Variants in BICC1 observed in about 807,000 individuals in gnomAD.
BICC1 encodes protein bicaudal C homolog 1.
In BICC1, 43 loss-of-function variants were observed where a neutral mutation model predicts 111.0. The ratio of observed to expected loss-of-function variants is 0.39; its 90% CI spans 0.30 to 0.50. The LOEUF (loss-of-function observed/expected upper bound fraction) is 0.50. Ranked by LOEUF, BICC1 falls within the 20% of genes least tolerant of loss-of-function variation. The pLI is 0.88. For missense variants in BICC1, 1,091 were observed against 1,203.2 expected (o/e 0.91, Z 1.38); for synonymous variants, 467 against 434.4 (o/e 1.07, Z -0.93).
At chr10:58,828,183 G>T (rs1000537049) in intron 20 of BICC1, among the ~76,000 whole-genome samples, 4 of 152,108 alleles carry the variant, frequency 2.6e-5, no homozygotes, top group Non-Finnish European at 2.9e-5. Context: ...GGAGGGGTTT[G>T]GTACCTCAAC....
At chr10:58,546,440 C>T (rs1251952799) in intron 1 of BICC1, among the ~76,000 whole-genome samples, 1 of 152,164 alleles carries the variant, frequency 6.6e-6, no homozygotes, top group Non-Finnish European at 1.5e-5. Flanking sequence ...AGCAGTCTCC[C>T]AATTTTTATT....
chr10:58,618,017 T>C (rs1269228539), intron 1 of BICC1, among the ~76,000 whole-genome samples: 1 of 152,252 alleles, frequency 6.6e-6, no homozygotes, highest in Non-Finnish European at 1.5e-5. Flanking sequence ...GTTTCACCCT[T>C]TGGGCATGTG....
At chr10:58,523,101 T>G (rs910575283) in intron 1 of BICC1, among the ~76,000 whole-genome samples, 1 of 152,188 alleles carries the variant, frequency 6.6e-6, no homozygotes, top group African/African-American at 2.4e-5. Flanking sequence ...CCAGATAGAT[T>G]CACAGCTGAA....
intron 1 of BICC1, among the ~76,000 whole-genome samples, chr10:58,555,158 G>A (rs535897018): frequency 6.6e-6 from 1 of 151,908 alleles, no homozygotes; most frequent in South Asian, 2.1e-4. Flanking sequence ...ATACATTTTC[G>A]AGATTTTTTC....
chr10:58,753,409 T>A (rs1263928283), intron 3 of BICC1, among the ~76,000 whole-genome samples: 2 of 152,140 alleles, frequency 1.3e-5, no homozygotes, highest in African/African-American at 2.4e-5. Flanking sequence ...GCTCAAGTGA[T>A]CCTCCTGCCT....
Position 58,513,044 on chromosome 10 carries a change from G to C in BICC1, c.-100G>C. The C allele has an allele frequency of 1.1e-6, 1 of 945,700 alleles. No homozygotes were observed. The highest frequency in any genetic ancestry group is 1.7e-5 in the African/African-American group (1 of 57,396). The allele number at this position is 945,700 out of a possible 1,614,324, so 58.6% of individuals were successfully genotyped here. ...GGCGGCTGCAGGGGGACGAGCTAGC[G>C]CCGCGGCGCTGGGAGCCAGTTGAGC... On this transcript the variant is annotated 5_prime_UTR_variant, in exon 1 of 21. Coordinates refer to ENST00000373886, the MANE Select transcript of BICC1 (RefSeq NM_001080512.3).
At chr10:58,650,248 C>T (rs919243256) in intron 2 of BICC1, 2 of 152,138 alleles carry the variant, frequency 1.3e-5, no homozygotes, top group African/African-American at 2.4e-5. Context: ...CCCTTGCAAA[C>T]CTGAGTTTCC....
At chr10:58,541,625 A>G (rs1842985354) in intron 1 of BICC1, among the ~76,000 whole-genome samples, 1 of 152,118 alleles carries the variant, frequency 6.6e-6, no homozygotes, top group African/African-American at 2.4e-5. Context: ...AAGTATCTCT[A>G]TTACCCAAAC....
intron 2 of BICC1, among the ~76,000 whole-genome samples, chr10:58,669,436 A>G (rs748571554): frequency 6.6e-6 from 1 of 152,124 alleles, no homozygotes; most frequent in Admixed American, 6.6e-5. Flanking sequence ...AATTAAAAGG[A>G]CAATTTGACC....
intron 2 of BICC1, among the ~76,000 whole-genome samples, chr10:58,692,501 G>A (rs1839939651): frequency 6.6e-6 from 1 of 152,082 alleles, no homozygotes; most frequent in African/African-American, 2.4e-5. Context: ...AAAATATTTA[G>A]TCTGTTTTAT....
chr10:58,538,324 CTTACA>C (rs1327596515), intron 1 of BICC1, among the ~76,000 whole-genome samples: 20 of 151,594 alleles, frequency 1.3e-4, no homozygotes, highest in African/African-American at 4.8e-4. Flanking sequence ...AAGCCGAATA[CTTACA>C]ACCAACTGAT....
chr10:58,631,433 A>G (rs7097143), intron 2 of BICC1, among the ~76,000 whole-genome samples: 22,729 of 151,842 alleles, frequency 0.15, 1,814 homozygotes, highest in Non-Finnish European at 0.16. Flanking sequence ...TTTCTTCCTA[A>G]AAGGAGTTGT....
intron 1 of BICC1, among the ~76,000 whole-genome samples, chr10:58,522,786 A>G (rs1842426813): frequency 6.6e-6 from 1 of 152,146 alleles, no homozygotes; most frequent in African/African-American, 2.4e-5. Context: ...GAAAAGACCA[A>G]CAAAATGGAT....
intron 3 of BICC1, among the ~76,000 whole-genome samples, chr10:58,764,587 G>A (rs1429136933): frequency 6.6e-6 from 1 of 150,878 alleles, no homozygotes; most frequent in Non-Finnish European, 1.5e-5. Flanking sequence ...CCAGAGTCAG[G>A]AAGAGAAACA....
At chr10:58,794,169 G>T (rs961662760) in intron 9 of BICC1, among the ~76,000 whole-genome samples, 5 of 110,488 alleles carry the variant, frequency 4.5e-5, no homozygotes, top group African/African-American at 2.5e-4. Flanking sequence ...CATGTTTTGT[G>T]TGTGTGTGTG....
At chr10:58,590,440 C>G (rs1844575791) in intron 1 of BICC1, among the ~76,000 whole-genome samples, 2 of 152,166 alleles carry the variant, frequency 1.3e-5, no homozygotes, top group Non-Finnish European at 2.9e-5. Flanking sequence ...AAACAAATCT[C>G]TCCCCATTTT....
rs1216689483 is a variant in BICC1, at chr10:58,649,862, AG to A, written c.237+28966del. Among the ~76,000 whole-genome samples, 8 of 350 alleles carry A rather than the reference AG, an allele frequency of 0.023. No homozygotes were observed. The East Asian group carries it at 0.5, about 22-fold the overall frequency. The allele number at this position is 350 out of a possible 152,430, so 0.2% of individuals were successfully genotyped here. A position where few individuals can be genotyped will look rare whatever the true frequency, so the allele number is the denominator to read the frequency against. On this transcript the variant is annotated intron_variant, in intron 2 of 20. Coordinates refer to ENST00000373886, the MANE Select transcript of BICC1 (RefSeq NM_001080512.3). ...GGTTTGTTACCTAGGATTTGGATTCAGGGGGTCTGGCTTCCAAGACCATGCT... is the reference window on the plus strand; with the variant it reads ...GGTTTGTTACCTAGGATTTGGATTCAGGGGTCTGGCTTCCAAGACCATGCT...
chr10:58,609,999 G>A (rs927340217), intron 1 of BICC1, among the ~76,000 whole-genome samples: 7 of 152,150 alleles, frequency 4.6e-5, no homozygotes, highest in Admixed American at 1.3e-4. Flanking sequence ...CATGACCAAC[G>A]TTTCTGTTAA....
At chr10:58,557,384 C>T (rs1354091548) in intron 1 of BICC1, among the ~76,000 whole-genome samples, 6 of 146,242 alleles carry the variant, frequency 4.1e-5, no homozygotes, top group Non-Finnish European at 9.0e-5. Context: ...CATTGAGCTT[C>T]TTGGATTTAT....
Sources: allele counts gnomAD v4.1 joint callset (sites outside exome capture counted in the v4.1 genomes callset), GRCh38; gene constraint gnomAD v4.1.1; transcripts MANE v1.5; gene names NCBI Gene and HGNC (gene_info 2026-07-23, HGNC 2026-07-21).